Variants in MAN2A2 observed in about 807,000 individuals in gnomAD.
The protein encoded by MAN2A2 is alpha-mannosidase 2x.
Under a neutral mutation model 126.8 loss-of-function variants are expected in MAN2A2, and 79 were observed. The ratio of observed to expected loss-of-function variants is 0.62; its 90% CI spans 0.52 to 0.75. MAN2A2 has a LOEUF of 0.75. MAN2A2 is among the 30% of genes least tolerant of loss of function. MAN2A2 has a pLI of 0.00. For missense variants in MAN2A2, 1,392 were observed against 1,522.4 expected, an observed-to-expected ratio of 0.91 and a Z score of 1.43; for synonymous variants, 671 against 618.7, an observed-to-expected ratio of 1.08 and a Z score of -1.25.
rs902073979 is a variant in MAN2A2 at position 90,905,997 on chromosome 15, A to C, written c.688A>C (p.Lys230Gln). Residue 230 changes from lysine (K) to glutamine (Q), a missense_variant, in exon 5 of 23, where the codon AAG becomes CAG. Coordinates refer to ENST00000559717, the MANE Select transcript of MAN2A2 (RefSeq NM_006122.4). ...GTGGTGGGACAACATCAATGTCCAA[A>C]AGAGAGCGGCAGTCCGAAGGCCAGT... ...AKWWDNINVQ[K>Q]RAAVRRLVGN... is the part of the protein sequence containing the mutation. 1 of 1,613,792 alleles carries C rather than the reference A, an allele frequency of 6.2e-7. No homozygotes were observed.
rs1567113338 is a variant in MAN2A2 at position 90,904,128 on chromosome 15, G to T, written c.-18-62G>T. ...CCCTCAGGAACTCACTGGGGTATTT[G>T]GTGGAAAGACTGCCACGGGCATTTT... is the stretch of plus-strand genomic sequence containing the variant. On this transcript the variant is annotated intron_variant, in intron 1 of 22. Transcript: ENST00000559717. The T allele has an allele frequency of 1.9e-6, 3 of 1,581,212 alleles. No individual in the cohort carries two copies. In the South Asian group the frequency reaches 3.3e-5, roughly 18 times the overall value.
In MAN2A2 at chr15:90,910,091, C is replaced by A. The variant is rs1385690879; in HGVS notation, c.1376C>A (p.Ala459Asp). Residue 459 changes from alanine to aspartate, a missense_variant and splice_region_variant, in exon 10 of 23, where the codon GCC (alanine) becomes GAC (aspartate). Physicochemically the swap from Ala to Asp is moderately radical, Grantham distance 126. Coordinates refer to ENST00000559717, the MANE Select transcript of MAN2A2 (RefSeq NM_006122.4). Reference sequence around the variant, plus strand: ...AGTGGGTTTTTGGGGTTCCCACAGGCCCAGTTTGGCACTCTTTCTGACTAT... The same window carrying A: ...AGTGGGTTTTTGGGGTTCCCACAGGACCAGTTTGGCACTCTTTCTGACTAT... ...FNSRPNLHVQAQFGTLSDYFD... is the reference protein window; with the variant it reads ...FNSRPNLHVQDQFGTLSDYFD... 1 of 1,609,946 alleles carries A rather than the reference C, an allele frequency of 6.2e-7. No homozygotes were observed. The highest frequency in any genetic ancestry group is 8.5e-7 in the Non-Finnish European group (1 of 1,177,744).
chr15:90,906,108 C>T (rs958328089), intron 5 of MAN2A2, 92 bp downstream of exon 5: 2 of 1,535,126 alleles, frequency 1.3e-6, no homozygotes, highest in Admixed American at 1.7e-5. Context: ...GCCAAGGTGG[C>T]AGGGAGAGGC....
chr15:90,910,704 C>T, intron 11 of MAN2A2, 21 bp downstream of exon 11: 3 of 1,612,424 alleles, frequency 1.9e-6, no homozygotes, highest in Non-Finnish European at 2.5e-6. Flanking sequence ...TCTCTTTTCC[C>T]TTGTAAGCTC....
rs752177690 is a variant in MAN2A2 at position 90,909,456 on chromosome 15, C to T, written c.1326C>T (p.Tyr442=). Residue 442 remains tyrosine, a synonymous_variant, in exon 9 of 23, where the codon TAC becomes TAT. Coordinates refer to ENST00000559717, the MANE Select transcript of MAN2A2 (RefSeq NM_006122.4). ...PQEWDAQFFN[Y]QRLFDFFNSR... ...AGTGGGATGCCCAGTTCTTCAACTA[C>T]CAACGGCTCTTTGACTTCTTCAACA... 89 of 1,614,048 alleles carry T rather than the reference C, an allele frequency of 5.5e-5. No individual in the cohort carries two copies. The highest frequency in any genetic ancestry group is 6.9e-5 in the Non-Finnish European group (82 of 1,180,006).
At chr15:90,907,024 T>C in intron 7 of MAN2A2, 111 bp downstream of exon 7, 1 of 1,335,210 alleles carries the variant, frequency 7.5e-7, no homozygotes, top group Non-Finnish European at 1.0e-6. Flanking sequence ...CTGCAGGCAC[T>C]GGTGTGGACT....
rs2034337441 is a variant in MAN2A2 at position 90,906,851 on chromosome 15, A to G, written c.947A>G (p.Tyr316Cys). 1 of 1,614,104 alleles carries G rather than the reference A, an allele frequency of 6.2e-7. No homozygotes were observed. Among genetic ancestry groups the G allele is most frequent in the Non-Finnish European group, 8.5e-7 (1 of 1,179,984 alleles). Residue 316 changes from tyrosine to cysteine, a missense_variant, in exon 7 of 23, where the codon TAT (tyrosine) becomes TGT (cysteine). Coordinates refer to ENST00000559717, the MANE Select transcript of MAN2A2 (RefSeq NM_006122.4). ...AGCATGCTGATTCAGAGAGTGCACT[A>G]TGCCATCAAGAAGCACTTTGCTGCC... is the stretch of plus-strand genomic sequence containing the variant. ...LTSMLIQRVH[Y>C]AIKKHFAATH...
At position 90,916,139 on chromosome 15, in the gene MAN2A2, C is replaced by A. The variant is rs1415628616; in HGVS notation, c.2877C>A (p.Ile959=). 4 of 1,614,074 alleles carry A rather than the reference C, an allele frequency of 2.5e-6. No individual in the cohort carries two copies. The highest frequency in any genetic ancestry group is 3.4e-6 in the Non-Finnish European group (4 of 1,179,988). ...CTTCCCCAGGCCAGCTGGAGGTGATCTTGGACCGGCGGCTGATGCAGGATG... is the reference window on the plus strand; with the variant it reads ...CTTCCCCAGGCCAGCTGGAGGTGATATTGGACCGGCGGCTGATGCAGGATG... The part of the protein sequence containing the change: ...SSLKDGQLEV[I]LDRRLMQDDN... The change falls in exon 20 of 23, where the codon ATC becomes ATA. Residue 959 remains isoleucine (I), a synonymous_variant. Transcript: ENST00000559717.
Position 90,905,469 on chromosome 15 carries a change from G to C in MAN2A2, c.351G>C (p.Gln117His). 1 of 1,614,030 alleles carries C rather than the reference G, an allele frequency of 6.2e-7. No individual in the cohort carries two copies. Residue 117 changes from glutamine to histidine, a missense_variant, in exon 3 of 23, where the codon CAG becomes CAC. Gln to His is a conservative substitution (Grantham distance 24). Coordinates refer to ENST00000559717, the MANE Select transcript of MAN2A2 (RefSeq NM_006122.4). ...TCTCCATCTCCCCGCAGGACTGCCA[G>C]TTTGCTTTGGGGGGCCGGGGTCAGA... The part of the protein sequence containing the change: ...SFFSISPQDC[Q>H]FALGGRGQKP...
At chr15:90,912,421 C>G (rs2034827703) in intron 15 of MAN2A2, 121 bp from the exon 16 acceptor site, 5 of 1,585,204 alleles carry the variant, frequency 3.2e-6, no homozygotes, top group Non-Finnish European at 4.3e-6. Context: ...CATCTCAGCT[C>G]CAGCCTGACA....
In MAN2A2 at chr15:90,905,913, A is replaced by G. The variant is rs181477979; in HGVS notation, c.604A>G (p.Lys202Glu). 1.9e-6 allele frequency: 3 copies of G among 1,609,336 alleles called. No individual in the cohort carries two copies. In the East Asian group the frequency reaches 6.7e-5, roughly 36 times the overall value. Residue 202 changes from lysine to glutamate, a missense_variant, in exon 5 of 23, where the codon AAG (lysine) becomes GAG (glutamate). Coordinates refer to ENST00000559717, the MANE Select transcript of MAN2A2 (RefSeq NM_006122.4). Reference protein sequence around the residue: ...TQHILNSMVSKLQEDPRRRFL... With the variant: ...TQHILNSMVSELQEDPRRRFL... ...ACACATCCTCAATAGCATGGTGTCT[A>G]AGCTGCAGGAGGACCCCCGGCGGCG...
chr15:90,907,507 C>T lies in MAN2A2; in HGVS notation c.1196+12C>T. 6.2e-7 allele frequency: 1 copy of T among 1,604,950 alleles called. No individual in the cohort carries two copies. The highest frequency in any genetic ancestry group is 8.5e-7 in the Non-Finnish European group (1 of 1,177,660). ...AACGTGGCAGAGAGGTATCTGCTTC[C>T]AGCCCTTTCACTTCACAGAGGAATC... On this transcript the variant is annotated intron_variant, in intron 8 of 22. Transcript: ENST00000559717.
intron 10 of MAN2A2, 49 bp from the exon 11 acceptor site, chr15:90,910,452 G>A (rs1264823371): frequency 8.7e-6 from 14 of 1,603,228 alleles, no homozygotes; most frequent in Non-Finnish European, 1.2e-5. Context: ...AGTGTGGGTG[G>A]GCCCTGGCTA....
At chr15:90,919,502 G>A (rs2035437671) in intron 22 of MAN2A2, 133 bp from the exon 23 acceptor site, 4 of 1,100,566 alleles carry the variant, frequency 3.6e-6, no homozygotes, top group Admixed American at 2.1e-5. Context: ...GCCTCCCAAA[G>A]TGCTGGGATT....
At position 90,906,740 on chromosome 15, in the gene MAN2A2, G is replaced by A. The variant is rs186527489; in HGVS notation, c.836G>A (p.Gly279Asp). 7.4e-6 allele frequency: 12 copies of A among 1,611,282 alleles called. No individual in the cohort carries two copies. In the East Asian group the frequency reaches 2.7e-4, roughly 36 times the overall value. Residue 279 changes from glycine (G) to aspartate (D), a missense_variant and splice_region_variant, in exon 7 of 23, where the codon GGT becomes GAT. Transcript: ENST00000559717. ...EGHQWLERNL[G>D]ATPRSGWAVD... Reference sequence around the variant, plus strand: ...TCTCTGGCTTCCATGCCCTGCCCAGGTGCAACCCCCCGCTCTGGCTGGGCA... The same window carrying A: ...TCTCTGGCTTCCATGCCCTGCCCAGATGCAACCCCCCGCTCTGGCTGGGCA...
intron 5 of MAN2A2, 71 bp downstream of exon 5, chr15:90,906,087 A>C: frequency 6.3e-7 from 1 of 1,589,470 alleles, no homozygotes; most frequent in Non-Finnish European, 8.6e-7. Flanking sequence ...GTCTTACCTT[A>C]AGCTATGGGT....
intron 19 of MAN2A2, among the ~76,000 whole-genome samples, chr15:90,915,258 G>A (rs2035081509): frequency 6.6e-6 from 1 of 152,220 alleles, no homozygotes; most frequent in South Asian, 2.1e-4. Flanking sequence ...TTCTGTGGTT[G>A]TTCTGGGTTA....
chr15:90,907,932 C>T, intron 8 of MAN2A2, among the ~76,000 whole-genome samples: 1 of 152,022 alleles, frequency 6.6e-6, no homozygotes, highest in East Asian at 1.9e-4. Flanking sequence ...TTTAGGGACC[C>T]CTAAAGATAG....
Position 90,906,729 on chromosome 15 carries a change from G to C in MAN2A2, c.836-11G>C, listed in dbSNP as rs375202841. 24 of 1,609,670 alleles carry C rather than the reference G, an allele frequency of 1.5e-5. No homozygotes were observed. The highest frequency in any genetic ancestry group is 1.9e-5 in the Non-Finnish European group (23 of 1,179,752). On this transcript the variant is annotated splice_polypyrimidine_tract_variant and intron_variant, in intron 6 of 22. Transcript: ENST00000559717. ...TGTTCAGGGCCTCTCTGGCTTCCAT[G>C]CCCTGCCCAGGTGCAACCCCCCGCT...
Sources: gnomAD v4.1 joint callset for allele counts (sites outside exome capture counted in the v4.1 genomes callset) on GRCh38, gnomAD v4.1.1 for gene constraint, MANE v1.5 for transcripts, NCBI Gene and HGNC (gene_info 2026-07-23, HGNC 2026-07-21) for gene names.